Variants in CHKA observed in about 807,000 individuals in gnomAD.
CHKA encodes the protein CHETK-alpha.
CHKA carries 34 observed loss-of-function variants against 60.1 expected under a neutral mutation model. The ratio of observed to expected loss-of-function variants is 0.57; its 90% CI spans 0.43 to 0.75. The LOEUF is 0.75. Among genes scored for constraint, CHKA ranks in the 30% least tolerant of loss-of-function variants. The pLI is 0.00. For missense variants in CHKA, 563 were observed against 561.3 expected (o/e 1.00, Z -0.03); for synonymous variants, 217 against 223.1 (o/e 0.97, Z 0.24).
Position 68,121,041 on chromosome 11 carries a change from T to G in CHKA, c.137A>C (p.Lys46Thr). ...CGGCGGCTGTTGGCCGCCCAGCTGC[T>G]TGGACTCGAGGTCGCTGGCGGCGTC... ...QRDAASDLES[K>T]QLGGQQPPLA... is the part of the protein sequence containing the mutation. Residue 46 changes from lysine (K) to threonine (T), a missense_variant, in exon 1 of 12, where the codon AAG (lysine) becomes ACG (threonine). Coordinates refer to ENST00000265689, the MANE Select transcript of CHKA (RefSeq NM_001277.3). The G allele has an allele frequency of 9.0e-7, 1 of 1,109,616 alleles. No homozygotes were observed. Among genetic ancestry groups the G allele is most frequent in the African/African-American group, 1.7e-5 (1 of 59,760 alleles). 68.7% of individuals were successfully genotyped at this position (1,109,616 alleles called of 1,614,324 possible).
rs576706427 is a variant in CHKA at position 68,081,293 on chromosome 11, G to A, written c.516+111C>T. 1.5e-4 allele frequency: 120 copies of A among 801,686 alleles called. 1 individual carries two copies. The South Asian group carries it at 1.8e-3, about 12-fold the overall frequency. The allele number at this position is 801,686 out of a possible 1,614,324, so 49.7% of individuals were successfully genotyped here. A position where few individuals can be genotyped will look rare whatever the true frequency, so the allele number is the denominator to read the frequency against. On this transcript the variant is annotated intron_variant, in intron 3 of 11. Coordinates refer to ENST00000265689, the MANE Select transcript of CHKA (RefSeq NM_001277.3). Reference sequence around the variant, plus strand: ...AAGAGCCCCTCCTCGTAGAAAGATAGATCAGGATTTTCCAAGGGTAGATAA... The same window carrying A: ...AAGAGCCCCTCCTCGTAGAAAGATAAATCAGGATTTTCCAAGGGTAGATAA...
Position 68,053,617 on chromosome 11 carries a change from A to C in CHKA, c.*371T>G. The C allele has an allele frequency of 4.8e-6, 1 of 207,428 alleles. No individual in the cohort carries two copies. Among genetic ancestry groups the C allele is most frequent in the Non-Finnish European group, 9.8e-6 (1 of 101,594 alleles). 12.8% of individuals were successfully genotyped at this position (207,428 alleles called of 1,614,324 possible). A position where few individuals can be genotyped will look rare whatever the true frequency, so the allele number is the denominator to read the frequency against. On this transcript the variant is annotated 3_prime_UTR_variant, in exon 12 of 12. Coordinates refer to ENST00000265689, the MANE Select transcript of CHKA (RefSeq NM_001277.3). ...AGTGTTCACCAGCACATTCATGAAA[A>C]TTTAAATCAACATTAACCAAAGTAC... is the stretch of plus-strand genomic sequence containing the variant.
rs186363639 is a variant in CHKA at position 68,117,779 on chromosome 11, T to C, written c.350+3049A>G. Among the ~76,000 whole-genome samples, 9 of 152,280 alleles carry C rather than the reference T, an allele frequency of 5.9e-5. No individual in the cohort carries two copies. The East Asian group carries it at 1.7e-3, about 29-fold the overall frequency. ...TATTTTCCAATATTTGAGAAATCCA[T>C]AGCAACAAGATACAGAATGGATTAG... On this transcript the variant is annotated intron_variant, in intron 1 of 11. Coordinates refer to ENST00000265689, the MANE Select transcript of CHKA (RefSeq NM_001277.3).
intron 1 of CHKA, among the ~76,000 whole-genome samples, chr11:68,105,536 A>AAAAAG (rs1305233346): frequency 2.0e-4 from 30 of 150,608 alleles, no homozygotes; most frequent in Admixed American, 1.1e-3. Flanking sequence ...AAAAAAAAAA[A>AAAAAG]AAAAGAAAAG....
chr11:68,061,972 G>T lies in CHKA; in HGVS notation c.1295C>A (p.Ser432Tyr). The T allele has an allele frequency of 6.3e-7, 1 of 1,594,612 alleles. No homozygotes were observed. Among genetic ancestry groups the T allele is most frequent in the Non-Finnish European group, 8.5e-7 (1 of 1,169,838 alleles). ...ACATACCATGTACCCAAATTCAATA[G>T]ATGAAATCTTGGCTTGTACAATGGA... The part of the protein sequence containing the change: ...LWSIVQAKIS[S>Y]IEFGYMDYAQ... Residue 432 changes from serine to tyrosine, a missense_variant, in exon 11 of 12, where the codon TCT becomes TAT. Coordinates refer to ENST00000265689, the MANE Select transcript of CHKA (RefSeq NM_001277.3).
chr11:68,119,181 A>G (rs963256807), intron 1 of CHKA, among the ~76,000 whole-genome samples: 9 of 152,336 alleles, frequency 5.9e-5, no homozygotes, highest in Middle Eastern at 3.4e-3. Context: ...TTCAGGGATT[A>G]TCTAAACAGC....
chr11:68,076,793 GAA>G (rs1201319744), intron 3 of CHKA, among the ~76,000 whole-genome samples: 16 of 152,298 alleles, frequency 1.1e-4, no homozygotes, highest in Non-Finnish European at 1.3e-4. Context: ...AGAGAAGAGG[GAA>G]AGAGATGTAA....
chr11:68,065,176 A>C (rs1856399301), intron 9 of CHKA, among the ~76,000 whole-genome samples: 1 of 152,194 alleles, frequency 6.6e-6, no homozygotes, highest in Non-Finnish European at 1.5e-5. Flanking sequence ...TGAATAGAAA[A>C]AGGTCAGTGA....
rs761045512 is a variant in CHKA at position 68,058,155 on chromosome 11, G to C, written c.1314+3798C>G. Among the ~76,000 whole-genome samples the C allele has an allele frequency of 2.6e-4, 40 of 152,212 alleles. 1 individual carries two copies. Among genetic ancestry groups the C allele is most frequent in the Non-Finnish European group, 2.4e-4 (16 of 68,040 alleles). Reference sequence around the variant, plus strand: ...GATTCTCCTGCCTCAGCCTCCCAAAGTGCTGGATGACTGGCTTGAGCCACC... The same window carrying C: ...GATTCTCCTGCCTCAGCCTCCCAAACTGCTGGATGACTGGCTTGAGCCACC... On this transcript the variant is annotated intron_variant, in intron 11 of 11. Transcript: ENST00000265689.
chr11:68,112,784 CAAG>C (rs1565195605), intron 1 of CHKA, among the ~76,000 whole-genome samples: 1 of 152,080 alleles, frequency 6.6e-6, no homozygotes, highest in East Asian at 1.9e-4. Flanking sequence ...CTTTCCCACT[CAAG>C]AAGGTGTGGC....
intron 1 of CHKA, among the ~76,000 whole-genome samples, chr11:68,107,718 C>T (rs1053660962): frequency 2.6e-5 from 4 of 152,090 alleles, no homozygotes; most frequent in Non-Finnish European, 5.9e-5. Flanking sequence ...AATTTCAAGC[C>T]GCCACTGTCC....
Position 68,052,922 on chromosome 11 carries a change from A to G in CHKA, c.*1066T>C, listed in dbSNP as rs1009458791. On this transcript the variant is annotated 3_prime_UTR_variant, in exon 12 of 12. Transcript: ENST00000265689. The stretch of plus-strand genomic sequence containing the variant: ...GTGGTAGCAGAAATATATGCACAAA[A>G]AACAATTCAAATAAGAGTTCAGAGT... 6.6e-6 allele frequency: 1 copy of G among 152,532 alleles called. No individual in the cohort carries two copies. The highest frequency in any genetic ancestry group is 1.5e-5 in the Non-Finnish European group (1 of 68,046). The allele number at this position is 152,532 out of a possible 1,614,324, so 9.4% of individuals were successfully genotyped here. A position where few individuals can be genotyped will look rare whatever the true frequency, so the allele number is the denominator to read the frequency against.
intron 11 of CHKA, 41 bp downstream of exon 11, chr11:68,061,912 G>A: frequency 7.6e-7 from 1 of 1,322,802 alleles, no homozygotes; most frequent in Non-Finnish European, 1.0e-6. Context: ...TTACCTGGGA[G>A]TAGGAAGAAA....
intron 2 of CHKA, among the ~76,000 whole-genome samples, chr11:68,092,017 A>C (rs1295224278): frequency 6.6e-6 from 1 of 152,242 alleles, no homozygotes; most frequent in East Asian, 1.9e-4. Context: ...TTTTCAAAGA[A>C]GGAGTGAATT....
chr11:68,081,425 A>T lies in CHKA; in HGVS notation c.495T>A (p.Ala165=). ...TTACTTGAAATTCATTTTCTTTCTGAGCTTGTTCGGATCCCTCTTTATTAC... is the reference window on the plus strand; with the variant it reads ...TTACTTGAAATTCATTTTCTTTCTGTGCTTGTTCGGATCCCTCTTTATTAC... The part of the protein sequence containing the change: ...RSCNKEGSEQ[A]QKENEFQGAE... The change falls in exon 3 of 12, where the codon GCT becomes GCA. Residue 165 remains alanine (A), a synonymous_variant. Coordinates refer to ENST00000265689, the MANE Select transcript of CHKA (RefSeq NM_001277.3). The T allele has an allele frequency of 6.2e-7, 1 of 1,613,672 alleles. No homozygotes were observed. Among genetic ancestry groups the T allele is most frequent in the Admixed American group, 1.7e-5 (1 of 60,014 alleles).
chr11:68,089,565 T>C (rs1244174983), intron 2 of CHKA, among the ~76,000 whole-genome samples: 2 of 152,176 alleles, frequency 1.3e-5, no homozygotes, highest in African/African-American at 4.8e-5. Context: ...TTCCTAAATG[T>C]TTGTCATTTT....
At chr11:68,078,864 A>G (rs1856875865) in intron 3 of CHKA, among the ~76,000 whole-genome samples, 1 of 152,206 alleles carries the variant, frequency 6.6e-6, no homozygotes, top group African/African-American at 2.4e-5. Flanking sequence ...AGACAGAACA[A>G]AAGAAAATAT....
At chr11:68,077,063 C>A (rs1427264886) in intron 3 of CHKA, among the ~76,000 whole-genome samples, 3 of 152,070 alleles carry the variant, frequency 2.0e-5, no homozygotes, top group Non-Finnish European at 2.9e-5. Flanking sequence ...CAGGGTGAAA[C>A]CCTGTCTCTA....
At chr11:68,096,196 T>A (rs1857511245) in intron 2 of CHKA, among the ~76,000 whole-genome samples, 1 of 151,244 alleles carries the variant, frequency 6.6e-6, no homozygotes, top group Non-Finnish European at 1.5e-5. Context: ...AAACCCCGTC[T>A]CTACTAAAAA....
Sources: allele counts gnomAD v4.1 joint callset (sites outside exome capture counted in the v4.1 genomes callset), GRCh38; gene constraint gnomAD v4.1.1; transcripts MANE v1.5; gene names NCBI Gene and HGNC (gene_info 2026-07-23, HGNC 2026-07-21).